YIPF4: variants seen among roughly 807,000 people sequenced by gnomAD.
YIPF4 encodes the protein protein YIPF4.
YIPF4 carries 18 observed loss-of-function variants against 29.4 expected under a neutral mutation model. The ratio of observed to expected loss-of-function variants is 0.61; its 90% CI spans 0.42 to 0.91. The LOEUF (loss-of-function observed/expected upper bound fraction) is 0.91. Among genes scored for constraint, YIPF4 ranks in the 40% least tolerant of loss-of-function variants. YIPF4 has a pLI of 0.00. For missense variants in YIPF4, 279 were observed against 282.7 expected, an observed-to-expected ratio of 0.99 and a Z score of 0.09; for synonymous variants, 115 against 104.7, an observed-to-expected ratio of 1.10 and a Z score of -0.60.
At chr2:32,301,150 G>A (rs1428006636) in intron 4 of YIPF4, among the ~76,000 whole-genome samples, 1 of 152,208 alleles carries the variant, frequency 6.6e-6, no homozygotes, top group Non-Finnish European at 1.5e-5. Context: ...TGGAAATATA[G>A]ATTTGGGTAT....
Position 32,298,326 on chromosome 2 carries a change from T to C in YIPF4, c.483+15T>C, listed in dbSNP as rs1257624883. 3 of 1,574,852 alleles carry C rather than the reference T, an allele frequency of 1.9e-6. No homozygotes were observed. Among genetic ancestry groups the C allele is most frequent in the Non-Finnish European group, 1.7e-6 (2 of 1,147,090 alleles). Reference sequence around the variant, plus strand: ...TTGGTGGAGAAGTAAGTAGTTTATTTTGAAAATAATCTTCCTTATTTATGG... The same window carrying C: ...TTGGTGGAGAAGTAAGTAGTTTATTCTGAAAATAATCTTCCTTATTTATGG... On this transcript the variant is annotated intron_variant, in intron 4 of 5. Transcript: ENST00000238831.
At position 32,297,118 on chromosome 2, in the gene YIPF4, C is replaced by T. The variant is rs181696217; in HGVS notation, c.406-1116C>T. 2.1e-3 allele frequency among the ~76,000 whole-genome samples: 321 copies of T among 151,544 alleles called. 1 individual carries two copies. Among genetic ancestry groups the T allele is most frequent in the Non-Finnish European group, 4.1e-3 (280 of 67,812 alleles). On this transcript the variant is annotated intron_variant, in intron 3 of 5. Coordinates refer to ENST00000238831, the MANE Select transcript of YIPF4 (RefSeq NM_032312.4). ...TGCCTGCCCCAGCCTTGGAATCAACCGTTTTTTTGTTTTTTTTTTTCTTGA... is the reference window on the plus strand; with the variant it reads ...TGCCTGCCCCAGCCTTGGAATCAACTGTTTTTTTGTTTTTTTTTTTCTTGA...
rs2031620239 is a variant in YIPF4, at chr2:32,307,578, G to GT, written c.*1953dup. 1 of 153,142 alleles carries GT rather than the reference G, an allele frequency of 6.5e-6. No homozygotes were observed. Among genetic ancestry groups the GT allele is most frequent in the African/African-American group, 2.4e-5 (1 of 41,564 alleles). 9.5% of individuals were successfully genotyped at this position (153,142 alleles called of 1,614,324 possible). On this transcript the variant is annotated 3_prime_UTR_variant, in exon 6 of 6. Transcript: ENST00000238831. ...AATTACAATGTTTCGAACTCAACCA[G>GT]TATCATTTTCGTGTGCTAATGAGCA...
intron 1 of YIPF4, among the ~76,000 whole-genome samples, chr2:32,287,071 C>T (rs889586308): frequency 2.6e-5 from 4 of 151,902 alleles, no homozygotes; most frequent in Non-Finnish European, 5.9e-5. Flanking sequence ...ATGTTGAAAC[C>T]CCATCTCTAC....
Position 32,298,214 on chromosome 2 carries a change from G to A in YIPF4, c.406-20G>A. On this transcript the variant is annotated intron_variant, in intron 3 of 5. Coordinates refer to ENST00000238831, the MANE Select transcript of YIPF4 (RefSeq NM_032312.4). Reference sequence around the variant, plus strand: ...CTTATTTGGTATAAAAATATTAATTGCATGATTTTTCCCCCTAAGGTGGTC... The same window carrying A: ...CTTATTTGGTATAAAAATATTAATTACATGATTTTTCCCCCTAAGGTGGTC... The A allele has an allele frequency of 6.5e-7, 1 of 1,537,536 alleles. No individual in the cohort carries two copies. The highest frequency in any genetic ancestry group is 8.9e-7 in the Non-Finnish European group (1 of 1,118,528).
intron 1 of YIPF4, among the ~76,000 whole-genome samples, chr2:32,288,756 G>C (rs1207108259): frequency 6.6e-6 from 1 of 152,158 alleles, no homozygotes; most frequent in Non-Finnish European, 1.5e-5. Flanking sequence ...GTTGCAGTGA[G>C]CCGAGATTGC....
intron 4 of YIPF4, 60 bp downstream of exon 4, chr2:32,298,371 T>C (rs2031273125): frequency 2.4e-6 from 3 of 1,256,558 alleles, no homozygotes; most frequent in East Asian, 2.3e-5. Context: ...TTTTTGATAC[T>C]GCAGATATCA....
At chr2:32,288,988 CTT>C (rs2030802024) in intron 1 of YIPF4, among the ~76,000 whole-genome samples, 1 of 152,122 alleles carries the variant, frequency 6.6e-6, no homozygotes, top group Non-Finnish European at 1.5e-5. Context: ...AAATAACACT[CTT>C]TGTATCTATT....
chr2:32,305,539 T>C lies in YIPF4; in HGVS notation c.648T>C (p.Gly216=), dbSNP rs1200899093. Residue 216 remains glycine, a synonymous_variant, in exon 6 of 6, where the codon GGT becomes GGC. Coordinates refer to ENST00000238831, the MANE Select transcript of YIPF4 (RefSeq NM_032312.4). ...ACAGTGCTGCTTCATTGTTAGTGGGTGAAGAATTCAAGACCAAAAAGCCTC... is the reference window on the plus strand; with the variant it reads ...ACAGTGCTGCTTCATTGTTAGTGGGCGAAGAATTCAAGACCAAAAAGCCTC... ...AAYSAASLLV[G]EEFKTKKPLL... The C allele has an allele frequency of 3.1e-6, 5 of 1,611,376 alleles. No homozygotes were observed. The African/African-American group carries it at 6.7e-5, about 22-fold the overall frequency.
At chr2:32,303,152 C>G (rs865804200) in intron 5 of YIPF4, among the ~76,000 whole-genome samples, 3 of 152,242 alleles carry the variant, frequency 2.0e-5, no homozygotes, top group Middle Eastern at 6.8e-3. Flanking sequence ...ATTACTTGAG[C>G]TCAGGAGTTT....
In YIPF4 at chr2:32,278,109, C is replaced by A; in HGVS notation, c.-47C>A. The A allele has an allele frequency of 6.6e-7, 1 of 1,520,564 alleles. No homozygotes were observed. The highest frequency in any genetic ancestry group is 8.9e-7 in the Non-Finnish European group (1 of 1,128,630). 94.2% of individuals were successfully genotyped at this position (1,520,564 alleles called of 1,614,324 possible). On this transcript the variant is annotated 5_prime_UTR_variant, in exon 1 of 6. Coordinates refer to ENST00000238831, the MANE Select transcript of YIPF4 (RefSeq NM_032312.4). The stretch of plus-strand genomic sequence containing the variant: ...CGCCGCGGCCGCCTCGGGGTCTGGG[C>A]CCAGCCGCAGCCTCTTCTACCGCGG...
At chr2:32,301,788 G>C (rs2031413754) in intron 5 of YIPF4, among the ~76,000 whole-genome samples, 1 of 152,120 alleles carries the variant, frequency 6.6e-6, no homozygotes, top group African/African-American at 2.4e-5. Context: ...ACCAAGGCTG[G>C]AGTGCCTCCC....
intron 3 of YIPF4, among the ~76,000 whole-genome samples, chr2:32,295,365 AAAT>A (rs2031138058): frequency 6.6e-6 from 1 of 152,180 alleles, no homozygotes; most frequent in South Asian, 2.1e-4. Flanking sequence ...TAGTGGTTTT[AAAT>A]AATACAGATT....
Position 32,278,159 on chromosome 2 carries a change from C to G in YIPF4, c.4C>G (p.Gln2Glu), listed in dbSNP as rs988180749. Residue 2 changes from glutamine to glutamate, a missense_variant, in exon 1 of 6, where the codon CAG becomes GAG. Coordinates refer to ENST00000238831, the MANE Select transcript of YIPF4 (RefSeq NM_032312.4). M[Q>E]PPGPPPAYAP... ...GCCGGTTGGGAGTCGCCGCGAGATG[C>G]AGCCTCCGGGCCCGCCCCCGGCCTA... is the stretch of plus-strand genomic sequence containing the variant. 12 of 1,560,772 alleles carry G rather than the reference C, an allele frequency of 7.7e-6. No individual in the cohort carries two copies. The highest frequency in any genetic ancestry group is 1.0e-5 in the Non-Finnish European group (12 of 1,154,034).
At chr2:32,286,225 G>A (rs1215747953) in intron 1 of YIPF4, among the ~76,000 whole-genome samples, 1 of 152,188 alleles carries the variant, frequency 6.6e-6, no homozygotes, top group Non-Finnish European at 1.5e-5. Context: ...AATAAGGTCT[G>A]TGGATTGTAC....
chr2:32,311,777 A>G lies in YIPF4; in HGVS notation c.*6151A>G, dbSNP rs561693368. 79 of 152,362 alleles carry G rather than the reference A, an allele frequency of 5.2e-4. 1 individual carries two copies. The highest frequency in any genetic ancestry group is 1.8e-3 in the African/African-American group (76 of 41,596). 9.4% of individuals were successfully genotyped at this position (152,362 alleles called of 1,614,324 possible). A position where few individuals can be genotyped will look rare whatever the true frequency, so the allele number is the denominator to read the frequency against. On this transcript the variant is annotated 3_prime_UTR_variant, in exon 6 of 6. Coordinates refer to ENST00000238831, the MANE Select transcript of YIPF4 (RefSeq NM_032312.4). ...CACTGAGCAATTTTTATTAAAAACCAAACAGAAGTATTTACACAAGAACAA... is the reference window on the plus strand; with the variant it reads ...CACTGAGCAATTTTTATTAAAAACCGAACAGAAGTATTTACACAAGAACAA...
chr2:32,310,346 A>G lies in YIPF4; in HGVS notation c.*4720A>G, dbSNP rs904057096. The stretch of plus-strand genomic sequence containing the variant: ...TCCTGCCTCTGAAAAAATCATAATA[A>G]TACTTTAATTTAGAAAATACCCTGA... On this transcript the variant is annotated 3_prime_UTR_variant, in exon 6 of 6. Transcript: ENST00000238831. 1 of 151,934 alleles carries G rather than the reference A, an allele frequency of 6.6e-6. No individual in the cohort carries two copies. Among genetic ancestry groups the G allele is most frequent in the Non-Finnish European group, 1.5e-5 (1 of 67,984 alleles). The allele number at this position is 151,934 out of a possible 1,614,324, so 9.4% of individuals were successfully genotyped here.
chr2:32,288,383 G>A (rs1008237524), intron 1 of YIPF4, among the ~76,000 whole-genome samples: 2 of 152,016 alleles, frequency 1.3e-5, no homozygotes, highest in African/African-American at 4.8e-5. Flanking sequence ...TTTAGATTAA[G>A]GACTTTAAGT....
At chr2:32,297,394 G>T (rs749478224) in intron 3 of YIPF4, among the ~76,000 whole-genome samples, 9 of 151,940 alleles carry the variant, frequency 5.9e-5, no homozygotes, top group African/African-American at 1.2e-4. Flanking sequence ...GTGCTGGAAT[G>T]ACAGGCGTGA....
Sources: gnomAD v4.1 joint callset for allele counts (sites outside exome capture counted in the v4.1 genomes callset) on GRCh38, gnomAD v4.1.1 for gene constraint, MANE v1.5 for transcripts, NCBI Gene and HGNC (gene_info 2026-07-23, HGNC 2026-07-21) for gene names.